The following PDE8B variants were observed in gnomAD, a reference collection of about 807,000 sequenced individuals.
The protein encoded by PDE8B is phosphodiesterase 8B, also known as high affinity cAMP-specific and IBMX-insensitive 3',5'-cyclic phosphodiesterase 8B.
In PDE8B, 26 loss-of-function variants were observed where a neutral mutation model predicts 101.3. The ratio of observed to expected loss-of-function variants is 0.26; its 90% confidence interval spans 0.19 to 0.36. The LOEUF (loss-of-function observed/expected upper bound fraction) is 0.36, where lower values mean the gene tolerates loss of function less well. PDE8B is among the 10% of genes least tolerant of loss of function. The probability of loss-of-function intolerance (pLI) is 1.00; values close to 1 mark genes in which losing one functional copy is unlikely to be tolerated. For missense variants in PDE8B, 810 were observed against 1,163.1 expected, an observed-to-expected ratio of 0.70 and a Z score of 4.42; for synonymous variants, 424 against 429.3, an observed-to-expected ratio of 0.99 and a Z score of 0.15.
At chr5:77,350,376 A>G (rs1043130442) in intron 8 of PDE8B, among the ~76,000 whole-genome samples, 1 of 152,218 alleles carries the variant, frequency 6.6e-6, no homozygotes, top group Non-Finnish European at 1.5e-5. Flanking sequence ...TGCCAAAAGA[A>G]TATAGCCACA....
chr5:77,209,933 G>A (rs145123593), upstream of PDE8B, among the ~76,000 whole-genome samples: 29 of 152,322 alleles, frequency 1.9e-4, no homozygotes, highest in African/African-American at 6.7e-4. Context: ...ACGATGAGTA[G>A]ACATGGAATG....
chr5:77,424,470 A>G (rs757983892), intron 20 of PDE8B, among the ~76,000 whole-genome samples: 1 of 152,218 alleles, frequency 6.6e-6, no homozygotes, highest in Admixed American at 6.5e-5. Context: ...ATGAATGATG[A>G]TGGCCTTAGT....
the PDE8B span, among the ~76,000 whole-genome samples, chr5:77,090,068 CAT>C: frequency 1.3e-5 from 2 of 152,132 alleles, no homozygotes; most frequent in Non-Finnish European, 2.9e-5. Context: ...TGTTCACACT[CAT>C]ATGTGGGAGC....
chr5:77,108,289 A>G, the PDE8B span, among the ~76,000 whole-genome samples: 1 of 152,210 alleles, frequency 6.6e-6, no homozygotes, highest in South Asian at 2.1e-4. Flanking sequence ...TAAAATTGAC[A>G]TTCATTTTAA....
the PDE8B span, among the ~76,000 whole-genome samples, chr5:77,096,106 C>T: frequency 9.2e-5 from 14 of 152,090 alleles, no homozygotes; most frequent in Non-Finnish European, 2.9e-5. Flanking sequence ...TCTCCCACCT[C>T]AGACTCCCCA....
chr5:77,419,868 A>G lies in PDE8B; in HGVS notation c.2231A>G (p.Asn744Ser). 1.2e-6 allele frequency: 2 copies of G among 1,614,108 alleles called. No individual in the cohort carries two copies. The highest frequency in any genetic ancestry group is 2.2e-5 in the East Asian group (1 of 44,882). The change falls in exon 19 of 22, where the codon AAC becomes AGC. Residue 744 changes from asparagine (N) to serine (S), a missense_variant. Coordinates refer to ENST00000264917, the MANE Select transcript of PDE8B (RefSeq NM_003719.5). ...GTGAATAAGTTTGTGAACAGCATCAACAAGCCAATGGCAGCTGAGGTGAGT... is the reference window on the plus strand; with the variant it reads ...GTGAATAAGTTTGTGAACAGCATCAGCAAGCCAATGGCAGCTGAGGTGAGT... ...EHVNKFVNSI[N>S]KPMAAEIEGS...
At chr5:77,152,995 T>G in the PDE8B span, among the ~76,000 whole-genome samples, 4 of 152,172 alleles carry the variant, frequency 2.6e-5, no homozygotes, top group Non-Finnish European at 5.9e-5. Context: ...CCAGAGGTGA[T>G]TCCCCTCCCA....
chr5:77,404,862 A>C, intron 12 of PDE8B, 65 bp downstream of exon 12: 1 of 1,052,796 alleles, frequency 9.5e-7, no homozygotes, highest in Non-Finnish European at 1.5e-6. Context: ...GAATATGTTA[A>C]AAAATTCATC....
chr5:77,242,362 A>G (rs183340592), intron 1 of PDE8B, among the ~76,000 whole-genome samples: 1 of 152,364 alleles, frequency 6.6e-6, no homozygotes, highest in East Asian at 1.9e-4. Flanking sequence ...AACAGTTATT[A>G]GCTCAACATA....
At chr5:77,369,541 G>T (rs1784726836) in intron 10 of PDE8B, among the ~76,000 whole-genome samples, 1 of 152,152 alleles carries the variant, frequency 6.6e-6, no homozygotes, top group Non-Finnish European at 1.5e-5. Context: ...ATAATGAAGT[G>T]TAATACAATA....
intron 11 of PDE8B, among the ~76,000 whole-genome samples, chr5:77,402,233 G>A (rs1792432179): frequency 6.6e-6 from 1 of 151,792 alleles, no homozygotes; most frequent in Admixed American, 6.6e-5. Flanking sequence ...ATCACTTAAA[G>A]TACTATTATT....
At chr5:77,389,118 G>GA (rs577337466) in intron 10 of PDE8B, among the ~76,000 whole-genome samples, 16 of 151,160 alleles carry the variant, frequency 1.1e-4, no homozygotes, top group African/African-American at 2.9e-4. Context: ...ACTAGGGTAT[G>GA]AAAAAAAAAT....
chr5:77,383,991 A>G (rs1369249088), intron 10 of PDE8B, among the ~76,000 whole-genome samples: 2 of 152,176 alleles, frequency 1.3e-5, no homozygotes, highest in Non-Finnish European at 2.9e-5. Context: ...TTTGAAATTT[A>G]AAGTAGTGTT....
the PDE8B span, among the ~76,000 whole-genome samples, chr5:77,130,075 C>A: frequency 2.6e-5 from 4 of 152,090 alleles, no homozygotes; most frequent in African/African-American, 9.7e-5. Flanking sequence ...CTGATCAGAA[C>A]CTATATAGAC....
At chr5:77,121,513 T>TC in the PDE8B span, among the ~76,000 whole-genome samples, 1 of 151,076 alleles carries the variant, frequency 6.6e-6, no homozygotes, top group East Asian at 1.9e-4. Context: ...GGCTTCCTTT[T>TC]TTTTTTTTTT....
At chr5:77,378,488 C>T (rs996283106) in intron 10 of PDE8B, among the ~76,000 whole-genome samples, 12 of 140,266 alleles carry the variant, frequency 8.6e-5, no homozygotes, top group African/African-American at 2.3e-4. Context: ...AAAAAAAGGG[C>T]ATGTACCAAA....
intron 6 of PDE8B, 47 bp downstream of exon 6, chr5:77,337,362 A>G: frequency 6.2e-6 from 6 of 968,526 alleles, no homozygotes; most frequent in Non-Finnish European, 1.0e-5. Context: ...AATTCTTTAG[A>G]AAATCTTATC....
At chr5:77,252,481 C>T (rs1354702543) in intron 1 of PDE8B, among the ~76,000 whole-genome samples, 1 of 152,112 alleles carries the variant, frequency 6.6e-6, no homozygotes, top group Non-Finnish European at 1.5e-5. Context: ...TTAAACTATT[C>T]AGTGTTTTGA....
At chr5:77,096,971 C>T in the PDE8B span, among the ~76,000 whole-genome samples, 2 of 152,208 alleles carry the variant, frequency 1.3e-5, no homozygotes, top group East Asian at 3.8e-4. Context: ...CAACTCAAAG[C>T]ACCTACAAGT....
Sources: gnomAD v4.1 joint callset for allele counts (sites outside exome capture counted in the v4.1 genomes callset) on GRCh38, gnomAD v4.1.1 for gene constraint, MANE v1.5 for transcripts, NCBI Gene and HGNC (gene_info 2026-07-23, HGNC 2026-07-21) for gene names.